Variants in ZFP64 observed in about 807,000 individuals in gnomAD.
ZFP64 encodes the protein zinc finger protein 64.
Under a neutral mutation model 51.6 loss-of-function variants are expected in ZFP64, and 14 were observed. That is an observed-to-expected ratio of 0.27 (90% CI 0.18 to 0.42). ZFP64 has a LOEUF of 0.42. Ranked by LOEUF, ZFP64 falls within the 10% of genes least tolerant of loss-of-function variation. ZFP64 has a pLI of 1.00. For missense variants in ZFP64, 754 were observed against 906.8 expected (o/e 0.83, Z 2.16); for synonymous variants, 375 against 361.4 (o/e 1.04, Z -0.43).
At chr20:52,090,551 A>G (rs1224076050) in intron 7 of ZFP64, among the ~76,000 whole-genome samples, 9 of 152,170 alleles carry the variant, frequency 5.9e-5, no homozygotes, top group Admixed American at 5.9e-4. Context: ...CTGTAATCCC[A>G]GCACTTTGGG....
At position 52,110,460 on chromosome 20, in the gene ZFP64, A is replaced by G. The variant is rs372153859; in HGVS notation, c.764-11873T>C. 2.3e-3 allele frequency: 1,517 copies of G among 654,524 alleles called. 12 individuals are homozygous for G. The African/African-American group carries it at 0.024, about 10-fold the overall frequency. 40.5% of individuals were successfully genotyped at this position (654,524 alleles called of 1,614,324 possible). A position where few individuals can be genotyped will look rare whatever the true frequency, so the allele number is the denominator to read the frequency against. ...TTGTTCTCAATCAGCCTGGAGATCC[A>G]TGTCATCTCTATGCTGGGAAGTCCT... On this transcript the variant is annotated intron_variant, in intron 5 of 8. Transcript: ENST00000361387.
At chr20:52,119,594 C>T (rs866175000) in intron 5 of ZFP64, among the ~76,000 whole-genome samples, 4 of 111,218 alleles carry the variant, frequency 3.6e-5, no homozygotes, top group Admixed American at 8.5e-5. Flanking sequence ...CACACACACA[C>T]ACACATATAA....
At chr20:52,140,633 A>G (rs1466315460) in intron 5 of ZFP64, among the ~76,000 whole-genome samples, 1 of 152,230 alleles carries the variant, frequency 6.6e-6, no homozygotes, top group Non-Finnish European at 1.5e-5. Context: ...CAGGAGGTTT[A>G]AAGAAAGAAG....
chr20:52,100,517 A>T (rs962035976), intron 5 of ZFP64, among the ~76,000 whole-genome samples: 2 of 152,288 alleles, frequency 1.3e-5, no homozygotes, highest in Middle Eastern at 3.4e-3. Flanking sequence ...AAGTGCTGGG[A>T]CTATAGCCAC....
At chr20:52,098,731 G>T in intron 5 of ZFP64, 3 of 1,102,174 alleles carry the variant, frequency 2.7e-6, no homozygotes, top group South Asian at 1.6e-5. Flanking sequence ...TGACCAGGCG[G>T]GGTGGCTCAT....
intron 2 of ZFP64, among the ~76,000 whole-genome samples, 183 bp from the exon 3 acceptor site, chr20:52,166,208 A>T (rs2123034910): frequency 7.0e-6 from 1 of 143,780 alleles, no homozygotes; most frequent in East Asian, 2.1e-4. Context: ...CCGCTGGGAG[A>T]CTTCTGCAAA....
intron 4 of ZFP64, among the ~76,000 whole-genome samples, chr20:52,161,343 C>T (rs144560442): frequency 6.6e-6 from 1 of 151,986 alleles, no homozygotes; most frequent in African/African-American, 2.4e-5. Flanking sequence ...TCCTGGCTAA[C>T]ATCAATTTAA....
chr20:52,176,655 G>A (rs959363018), intron 2 of ZFP64, among the ~76,000 whole-genome samples: 2 of 151,750 alleles, frequency 1.3e-5, no homozygotes, highest in South Asian at 4.2e-4. Flanking sequence ...GACTACAGGC[G>A]CCCGCCACCG....
chr20:52,170,723 T>A (rs565386554), intron 2 of ZFP64, among the ~76,000 whole-genome samples: 1 of 152,310 alleles, frequency 6.6e-6, no homozygotes, highest in South Asian at 2.1e-4. Flanking sequence ...TGCTGTTGAC[T>A]TTATTCACTA....
At chr20:52,171,096 G>A (rs1982678287) in intron 2 of ZFP64, among the ~76,000 whole-genome samples, 1 of 152,130 alleles carries the variant, frequency 6.6e-6, no homozygotes, top group African/African-American at 2.4e-5. Flanking sequence ...AGCAACAAAG[G>A]GGCATTGGGT....
chr20:52,156,711 A>G (rs1981353845), intron 5 of ZFP64, among the ~76,000 whole-genome samples: 1 of 152,248 alleles, frequency 6.6e-6, no homozygotes, highest in Non-Finnish European at 1.5e-5. Context: ...ACAGAAAACC[A>G]TAATACAGAG....
chr20:52,129,871 A>G (rs1979638890), intron 5 of ZFP64, among the ~76,000 whole-genome samples: 1 of 152,188 alleles, frequency 6.6e-6, no homozygotes, highest in African/African-American at 2.4e-5. Context: ...GGGGCAATTC[A>G]TCTTTGCTGA....
chr20:52,160,624 A>G lies in ZFP64; in HGVS notation c.512-250T>C, dbSNP rs1167074786. Among the ~76,000 whole-genome samples, 1 of 152,334 alleles carries G rather than the reference A, an allele frequency of 6.6e-6. No homozygotes were observed. ...TGAATTTCTTATAAATTTTTTATAA[A>G]TTAAAAATAGAAGGCAATTAAAATT... On this transcript the variant is annotated intron_variant, in intron 4 of 5. Coordinates refer to ENST00000216923, the MANE Select transcript of ZFP64 (RefSeq NM_018197.3). The surrounding 1 kb of genome is among the most constrained non-coding windows in gnomAD (Gnocchi z 4.2).
At chr20:52,187,190 G>T in intron 1 of ZFP64, 119 bp from the exon 2 acceptor site, 1 of 1,063,472 alleles carries the variant, frequency 9.4e-7, no homozygotes. Flanking sequence ...TAGTGGCCCA[G>T]TATCCACTCC....
chr20:52,142,384 A>ACACACACACGTG (rs770440510), intron 5 of ZFP64, among the ~76,000 whole-genome samples: 266 of 104,772 alleles, frequency 2.5e-3, no homozygotes, highest in African/African-American at 8.1e-3. Context: ...ACAGACACAC[A>ACACACACACGTG]CACACACACA....
Position 52,160,506 on chromosome 20 carries a change from G to T in ZFP64, c.512-132C>A. On this transcript the variant is annotated intron_variant, in intron 4 of 5. Transcript: ENST00000216923. This position sits in a 1 kb window ranked among gnomAD's most constrained non-coding sequence, Gnocchi z 4.2. ...TATTCCAAAAACCCTAAAACACTGG[G>T]TGGATGATTGGCAAAGAGCTAACAT... 8.1e-7 allele frequency: 1 copy of T among 1,230,974 alleles called. No individual in the cohort carries two copies. Among genetic ancestry groups the T allele is most frequent in the African/African-American group, 1.5e-5 (1 of 66,040 alleles). 76.3% of individuals were successfully genotyped at this position (1,230,974 alleles called of 1,614,324 possible).
intron 5 of ZFP64, chr20:52,105,181 A>G: frequency 7.0e-7 from 1 of 1,435,674 alleles, no homozygotes; most frequent in South Asian, 1.6e-5. Context: ...CCCGGCGCGC[A>G]GGCCGCGGCT....
intron 2 of ZFP64, among the ~76,000 whole-genome samples, chr20:52,167,126 A>T (rs1329769916): frequency 6.6e-6 from 1 of 152,000 alleles, no homozygotes; most frequent in East Asian, 1.9e-4. Flanking sequence ...GGAGTTCGAG[A>T]CTAGCCTGGT....
chr20:52,162,907 G>T (rs1174643003), intron 4 of ZFP64, among the ~76,000 whole-genome samples: 1 of 152,140 alleles, frequency 6.6e-6, no homozygotes, highest in African/African-American at 2.4e-5. Flanking sequence ...CTAAGGTGAG[G>T]ATACATTTAA....
Sources: gnomAD v4.1 joint callset for allele counts (sites outside exome capture counted in the v4.1 genomes callset) on GRCh38, gnomAD v4.1.1 for gene constraint, Gnocchi (gnomAD v3.1) non-coding constraint, MANE v1.5 for transcripts, NCBI Gene and HGNC (gene_info 2026-07-23, HGNC 2026-07-21) for gene names.